The following SYNDIG1 variants were observed in gnomAD, a reference collection of about 807,000 sequenced individuals.
SYNDIG1 encodes the protein synapse differentiation-inducing gene protein 1.
SYNDIG1 carries 9 observed loss-of-function variants against 19.4 expected under a neutral mutation model. The ratio of observed to expected loss-of-function variants is 0.46; its 90% CI spans 0.28 to 0.81. The LOEUF is 0.81. Ranked by LOEUF, SYNDIG1 falls within the 30% of genes least tolerant of loss-of-function variation. The pLI, the probability that SYNDIG1 is intolerant of heterozygous loss-of-function variation, is 0.12. For missense variants in SYNDIG1, 311 were observed against 343.3 expected (o/e 0.91, Z 0.74); for synonymous variants, 141 against 145.9 (o/e 0.97, Z 0.24).
At chr20:24,607,623 G>A (rs1395915446) in intron 3 of SYNDIG1, among the ~76,000 whole-genome samples, 1 of 152,164 alleles carries the variant, frequency 6.6e-6, no homozygotes, top group Non-Finnish European at 1.5e-5. Context: ...GACGGCCTCG[G>A]GCTCCCCCTC....
intron 1 of SYNDIG1, among the ~76,000 whole-genome samples, chr20:24,488,745 A>G (rs2056043572): frequency 6.6e-6 from 1 of 152,204 alleles, no homozygotes; most frequent in Non-Finnish European, 1.5e-5. Context: ...CCAAGGTGTG[A>G]GTGTTTCACA....
intron 1 of SYNDIG1, among the ~76,000 whole-genome samples, chr20:24,482,198 TTTGTTG>T (rs926697238): frequency 1.3e-5 from 2 of 152,084 alleles, no homozygotes; most frequent in African/African-American, 2.4e-5. Flanking sequence ...TTTTTTGGTT[TTTGTTG>T]TTGTTGTTGT....
chr20:24,550,776 C>CTGGG (rs2057691861), intron 2 of SYNDIG1, among the ~76,000 whole-genome samples: 1 of 152,176 alleles, frequency 6.6e-6, no homozygotes, highest in Non-Finnish European at 1.5e-5. Context: ...TCCCAAAGTG[C>CTGGG]TGGGATTACA....
chr20:24,626,037 G>C (rs1367168877), intron 3 of SYNDIG1, among the ~76,000 whole-genome samples: 2 of 149,804 alleles, frequency 1.3e-5, no homozygotes, highest in Non-Finnish European at 3.0e-5. Flanking sequence ...TGGCCAGGTG[G>C]GGGGCTGACT....
At chr20:24,639,562 C>A (rs917779666) in intron 3 of SYNDIG1, among the ~76,000 whole-genome samples, 9 of 152,316 alleles carry the variant, frequency 5.9e-5, no homozygotes, top group Admixed American at 2.0e-4. Context: ...TAGCTGCTCA[C>A]ACTTGGAGAA....
intron 2 of SYNDIG1, among the ~76,000 whole-genome samples, chr20:24,567,258 G>C (rs551788338): frequency 2.0e-5 from 3 of 152,248 alleles, no homozygotes; most frequent in African/African-American, 7.2e-5. Context: ...CAAATCCCAG[G>C]TTCCACACAG....
At chr20:24,651,149 G>C (rs1489731001) in intron 3 of SYNDIG1, among the ~76,000 whole-genome samples, 1 of 152,084 alleles carries the variant, frequency 6.6e-6, no homozygotes, top group Non-Finnish European at 1.5e-5. Context: ...ACTTCAGCTT[G>C]TTTGTGTTTG....
chr20:24,516,733 G>A (rs1386276836), intron 1 of SYNDIG1, among the ~76,000 whole-genome samples: 1 of 152,206 alleles, frequency 6.6e-6, no homozygotes, highest in Non-Finnish European at 1.5e-5. Flanking sequence ...CTGTAAACTA[G>A]TTCAACCATT....
chr20:24,603,000 GAGGAGTGTC>G (rs1320503317), intron 3 of SYNDIG1, among the ~76,000 whole-genome samples: 1 of 152,162 alleles, frequency 6.6e-6, no homozygotes, highest in Admixed American at 6.5e-5. Flanking sequence ...CGAGGCTAAT[GAGGAGTGTC>G]AGGACATGGG....
intron 3 of SYNDIG1, among the ~76,000 whole-genome samples, chr20:24,612,518 T>C (rs1003467176): frequency 3.3e-5 from 5 of 152,244 alleles, no homozygotes; most frequent in African/African-American, 1.2e-4. Context: ...GACTTAAAAC[T>C]GATCTTGGCA....
At chr20:24,471,794 G>C (rs2055472280) in intron 1 of SYNDIG1, among the ~76,000 whole-genome samples, 1 of 152,082 alleles carries the variant, frequency 6.6e-6, no homozygotes, top group Non-Finnish European at 1.5e-5. Context: ...AGCCTTGTTT[G>C]ATGAAGTATT....
chr20:24,634,141 G>A (rs980008816), intron 3 of SYNDIG1, among the ~76,000 whole-genome samples: 5 of 152,264 alleles, frequency 3.3e-5, no homozygotes, highest in East Asian at 1.9e-4. Flanking sequence ...GGGGGACCCC[G>A]TCTTTCTGTG....
At chr20:24,481,747 C>A (rs138775558) in intron 1 of SYNDIG1, among the ~76,000 whole-genome samples, 1 of 152,058 alleles carries the variant, frequency 6.6e-6, no homozygotes, top group East Asian at 1.9e-4. Flanking sequence ...TGGGAGCTGG[C>A]GGGGAGAGCT....
At chr20:24,474,203 A>G (rs1312267538) in intron 1 of SYNDIG1, among the ~76,000 whole-genome samples, 2 of 152,250 alleles carry the variant, frequency 1.3e-5, no homozygotes, top group African/African-American at 4.8e-5. Context: ...AGATGGAAAC[A>G]TTTTTAAAAC....
chr20:24,537,433 T>C (rs528486609), intron 1 of SYNDIG1, among the ~76,000 whole-genome samples: 18 of 151,806 alleles, frequency 1.2e-4, no homozygotes, highest in Non-Finnish European at 2.6e-4. Context: ...CACACCTTCA[T>C]TCATCACTCC....
At chr20:24,500,124 C>T (rs937717061) in intron 1 of SYNDIG1, among the ~76,000 whole-genome samples, 50 of 151,764 alleles carry the variant, frequency 3.3e-4, no homozygotes, top group African/African-American at 1.1e-3. Context: ...AGTTTCTGTG[C>T]GTCTGTGTCG....
rs1180729531 is a variant in SYNDIG1, at chr20:24,573,061, G to A, written c.481-11795G>A. On this transcript the variant is annotated intron_variant, in intron 2 of 3. Transcript: ENST00000376862. ...CTGAAGTTTTACCCACTGCTCTGCT[G>A]TAAGTTCCTTCTGGCTCCTGGCGGT... 2.6e-5 allele frequency among the ~76,000 whole-genome samples: 4 copies of A among 152,286 alleles called. No homozygotes were observed. In the South Asian group the frequency reaches 6.2e-4, roughly 24 times the overall value.
intron 1 of SYNDIG1, among the ~76,000 whole-genome samples, chr20:24,513,554 G>T (rs1025638962): frequency 1.3e-5 from 2 of 152,182 alleles, no homozygotes; most frequent in Non-Finnish European, 1.5e-5. Context: ...ATGAAATGAA[G>T]CGAGAAGAGA....
intron 3 of SYNDIG1, among the ~76,000 whole-genome samples, chr20:24,648,831 C>T (rs1417519539): frequency 6.6e-6 from 1 of 152,204 alleles, no homozygotes; most frequent in Non-Finnish European, 1.5e-5. Flanking sequence ...CTGGTGGAGG[C>T]CGGCGTCTGC....
Sources: allele counts gnomAD v4.1 joint callset (sites outside exome capture counted in the v4.1 genomes callset), GRCh38; gene constraint gnomAD v4.1.1; transcripts MANE v1.5; gene names NCBI Gene and HGNC (gene_info 2026-07-23, HGNC 2026-07-21).